UBE3A: variants seen among roughly 807,000 people sequenced by gnomAD.
The protein encoded by UBE3A is ubiquitin protein ligase E3A, also known as ubiquitin-protein ligase E3A.
In UBE3A, 6 loss-of-function variants were observed where a neutral mutation model predicts 83.4. That is an observed-to-expected ratio of 0.07 (90% CI 0.04 to 0.14). The LOEUF is 0.14. Ranked by LOEUF, UBE3A falls within the 10% of genes least tolerant of loss-of-function variation. UBE3A has a pLI of 1.00. For synonymous variants in UBE3A, 337 were observed against 355.4 expected (o/e 0.95, Z 0.58); for missense variants, 456 against 1,036.1 (o/e 0.44, Z 7.69).
intron 1 of UBE3A, chr15:25,418,639 A>AT (rs1214793660): frequency 6.6e-6 from 1 of 152,186 alleles, no homozygotes; most frequent in Non-Finnish European, 1.5e-5. Context: ...TGTAGGTTCT[A>AT]TACCCTGATA....
rs767903684 is a variant in UBE3A at position 25,354,511 on chromosome 15, G to A, written c.2280+17C>T. ...ATAAATCGATACATGACTTTTTGCA[G>A]ACACCTGCTTTCTTACCCGGCTTCC... On this transcript the variant is annotated intron_variant, in intron 10 of 12. Transcript: ENST00000648336. 34 of 1,613,762 alleles carry A rather than the reference G, an allele frequency of 2.1e-5. No homozygotes were observed. Among genetic ancestry groups the A allele is most frequent in the Non-Finnish European group, 2.8e-5 (33 of 1,179,914 alleles).
rs142408011 is a variant in UBE3A, at chr15:25,416,567, TGCTA to T, written c.-164-4600_-164-4597del. ...AGCTGCTGCTGTTTTTTGATCTGAA[TGCTA>T]GCTAAACGGGTGCTCAGTGTGTGAA... On this transcript the variant is annotated intron_variant, in intron 1 of 12. Transcript: ENST00000648336. Among the ~76,000 whole-genome samples, 887 of 151,290 alleles carry T rather than the reference TGCTA, an allele frequency of 5.9e-3. 9 individuals are homozygous for T. Among genetic ancestry groups the T allele is most frequent in the African/African-American group, 0.021 (846 of 41,196 alleles).
chr15:25,409,272 AAAT>A (rs2089416195), intron 2 of UBE3A, 65 bp from the exon 3 acceptor site: 1 of 509,546 alleles, frequency 2.0e-6, no homozygotes. Flanking sequence ...ATTGTTCAAA[AAAT>A]AATATTCAAA....
chr15:25,350,789 T>C (rs1285643054), intron 11 of UBE3A, among the ~76,000 whole-genome samples: 1 of 152,194 alleles, frequency 6.6e-6, no homozygotes. Context: ...ATAACATGGA[T>C]GAATCTAAAG....
chr15:25,430,327 T>C (rs139829756), intron 1 of UBE3A, among the ~76,000 whole-genome samples: 4,115 of 105,472 alleles, frequency 0.039, 265 homozygotes, highest in Non-Finnish European at 0.053. Flanking sequence ...ATATATATTA[T>C]ATATATAATA....
At chr15:25,399,031 T>G (rs1292253957) in intron 4 of UBE3A, among the ~76,000 whole-genome samples, 1 of 151,710 alleles carries the variant, frequency 6.6e-6, no homozygotes, top group African/African-American at 2.4e-5. Flanking sequence ...ATTCAAGTCC[T>G]TTGCCCATTT....
intron 1 of UBE3A, among the ~76,000 whole-genome samples, chr15:25,427,294 T>C (rs1891598573): frequency 6.6e-6 from 1 of 151,410 alleles, no homozygotes; most frequent in Non-Finnish European, 1.5e-5. Context: ...AACCAATGAG[T>C]GCAAAAAGAA....
At chr15:25,348,424 T>C (rs1392041183) in intron 11 of UBE3A, among the ~76,000 whole-genome samples, 1 of 152,146 alleles carries the variant, frequency 6.6e-6, no homozygotes. Context: ...GTAAATATTA[T>C]AGTCTCTCTC....
intron 6 of UBE3A, among the ~76,000 whole-genome samples, chr15:25,366,811 A>C (rs976736230): frequency 2.0e-5 from 3 of 152,118 alleles, no homozygotes; most frequent in Non-Finnish European, 4.4e-5. Context: ...GAGCTGAACC[A>C]AAGGCCATCT....
At chr15:25,409,552 A>G (rs1345969483) in intron 2 of UBE3A, 1 of 152,866 alleles carries the variant, frequency 6.5e-6, no homozygotes, top group East Asian at 1.9e-4. Flanking sequence ...GCAGCCTCCG[A>G]GTGATTAACT....
intron 5 of UBE3A, chr15:25,374,342 C>A (rs150496280): frequency 6.6e-6 from 1 of 152,438 alleles, no homozygotes; most frequent in African/African-American, 2.4e-5. Context: ...GTACCACATC[C>A]CCCGCAGCTG....
chr15:25,436,354 A>G (rs964471952), intron 1 of UBE3A, among the ~76,000 whole-genome samples: 3 of 152,254 alleles, frequency 2.0e-5, no homozygotes, highest in African/African-American at 4.8e-5. Flanking sequence ...CTACACAATT[A>G]TAAGTCTAAA....
In UBE3A at chr15:25,371,160, C is replaced by G; in HGVS notation, c.1014G>C (p.Glu338Asp). ...YNADQIRRMM[E>D]TFQQLITYKV... is the part of the protein sequence containing the mutation. Reference sequence around the variant, plus strand: ...TATAAGTAATAAGTTGCTGAAATGTCTCCATCATTCTCCGAATCTGGTCTG... The same window carrying G: ...TATAAGTAATAAGTTGCTGAAATGTGTCCATCATTCTCCGAATCTGGTCTG... Residue 338 changes from glutamate to aspartate, a missense_variant, in exon 6 of 13, where the codon GAG becomes GAC. Transcript: ENST00000648336. This position sits in a 1 kb window ranked among gnomAD's most constrained non-coding sequence, Gnocchi z 5.3. 1 of 1,614,136 alleles carries G rather than the reference C, an allele frequency of 6.2e-7. No homozygotes were observed. The highest frequency in any genetic ancestry group is 8.5e-7 in the Non-Finnish European group (1 of 1,180,026).
intron 6 of UBE3A, among the ~76,000 whole-genome samples, chr15:25,368,782 C>A (rs1407495297): frequency 2.6e-5 from 4 of 151,988 alleles, no homozygotes; most frequent in African/African-American, 9.7e-5. Flanking sequence ...AAAGTATATA[C>A]CAAGTACTTA....
rs371452822 is a variant in UBE3A, at chr15:25,369,785, C to T, written c.1608+781G>A. ...ACTCTTATATTCTTAAACAGATACACTAAAATTATCTTGTGGAGGAAAGAA... is the reference window on the plus strand; with the variant it reads ...ACTCTTATATTCTTAAACAGATACATTAAAATTATCTTGTGGAGGAAAGAA... On this transcript the variant is annotated intron_variant, in intron 6 of 12. Transcript: ENST00000648336. Among the ~76,000 whole-genome samples the T allele has an allele frequency of 9.4e-4, 143 of 152,224 alleles. 4 individuals carry two copies. The highest frequency in any genetic ancestry group is 1.0e-3 in the South Asian group (5 of 4,822).
intron 4 of UBE3A, among the ~76,000 whole-genome samples, chr15:25,380,354 T>C (rs1478381716): frequency 2.0e-5 from 3 of 152,174 alleles, no homozygotes; most frequent in Non-Finnish European, 2.9e-5. Context: ...AGTTGAGTAC[T>C]TTAGGCCTGC....
intron 4 of UBE3A, among the ~76,000 whole-genome samples, chr15:25,381,124 T>G (rs1168899021): frequency 6.6e-6 from 1 of 152,210 alleles, no homozygotes; most frequent in Non-Finnish European, 1.5e-5. Flanking sequence ...CAAGGATGGT[T>G]ATACGATAAA....
chr15:25,358,308 G>T (rs2077527029), intron 7 of UBE3A, among the ~76,000 whole-genome samples: 1 of 151,968 alleles, frequency 6.6e-6, no homozygotes, highest in Non-Finnish European at 1.5e-5. Flanking sequence ...CAGCCTGGGA[G>T]GTGGAGGTTG....
Position 25,430,063 on chromosome 15 carries a change from T to C in UBE3A, c.-165+8426A>G, listed in dbSNP as rs1278393178. ...TATATATATATATTTATATGTATTA[T>C]ATATATATAATACATATATATAAGA... On this transcript the variant is annotated intron_variant, in intron 1 of 12. Transcript: ENST00000648336. Among the ~76,000 whole-genome samples the C allele has an allele frequency of 1.2e-4, 13 of 108,904 alleles. 1 individual carries two copies. Among genetic ancestry groups the C allele is most frequent in the Non-Finnish European group, 3.3e-5 (2 of 59,862 alleles). The allele number at this position is 108,904 out of a possible 152,430, so 71.4% of individuals were successfully genotyped here.
Sources: gnomAD v4.1 joint callset for allele counts (sites outside exome capture counted in the v4.1 genomes callset) on GRCh38, gnomAD v4.1.1 for gene constraint, Gnocchi (gnomAD v3.1) non-coding constraint, MANE v1.5 for transcripts, NCBI Gene and HGNC (gene_info 2026-07-23, HGNC 2026-07-21) for gene names.